Variants in DNTTIP1 observed in about 807,000 individuals in gnomAD.
The protein encoded by DNTTIP1 is deoxynucleotidyltransferase terminal interacting protein 1, also known as deoxynucleotidyltransferase terminal-interacting protein 1.
Under a neutral mutation model 52.9 loss-of-function variants are expected in DNTTIP1, and 22 were observed. That is an observed-to-expected ratio of 0.42 (90% CI 0.30 to 0.59). The LOEUF (loss-of-function observed/expected upper bound fraction) is 0.59, where lower values mean the gene tolerates loss of function less well. DNTTIP1 is among the 20% of genes least tolerant of loss of function. DNTTIP1 has a pLI of 0.22. For synonymous variants in DNTTIP1, 136 were observed against 155.1 expected (o/e 0.88, Z 0.92); for missense variants, 286 against 435.5 (o/e 0.66, Z 3.06).
In DNTTIP1 at chr20:45,792,737, A is replaced by G. The variant is rs762254793; in HGVS notation, c.166A>G (p.Met56Val). Residue 56 changes from methionine to valine, a missense_variant, in exon 2 of 13, where the codon ATG (methionine) becomes GTG (valine). Physicochemically the swap from Met to Val is conservative, Grantham distance 21. Around this residue, in one of 2 missense-constraint regions of DNTTIP1, gnomAD observed 208 missense variants for 266.5 expected, o/e 0.78. Coordinates refer to ENST00000372622, the MANE Select transcript of DNTTIP1 (RefSeq NM_052951.3). The stretch of plus-strand genomic sequence containing the variant: ...GCAGCGGAGGGGCCGCCGCTCACAG[A>G]TGACAACAAGGTAAGGCTGGCCCTG... Reference protein sequence around the residue: ...QVQRRGRRSQMTTSFTDPAIS... With the variant: ...QVQRRGRRSQVTTSFTDPAIS... 6.2e-7 allele frequency: 1 copy of G among 1,612,258 alleles called. No individual in the cohort carries two copies. Among genetic ancestry groups the G allele is most frequent in the Non-Finnish European group, 8.5e-7 (1 of 1,179,232 alleles).
At position 45,795,423 on chromosome 20, in the gene DNTTIP1, T is replaced by TCCA; in HGVS notation, c.352_353insCCA (p.Cys118delinsSerSer). ...CGCAGAGCAGCTGATCCAGGAAGCC[T>TCCA]GTCGGAGCTGCCTGGAGCAGGTGAG... On this transcript the variant is annotated protein_altering_variant, in exon 4 of 13. Transcript: ENST00000372622. 1 of 1,608,900 alleles carries TCCA rather than the reference T, an allele frequency of 6.2e-7. No individual in the cohort carries two copies. The highest frequency in any genetic ancestry group is 2.2e-5 in the East Asian group (1 of 44,696).
At chr20:45,797,723 A>T (rs934080880) in intron 4 of DNTTIP1, among the ~76,000 whole-genome samples, 1 of 152,270 alleles carries the variant, frequency 6.6e-6, no homozygotes, top group Non-Finnish European at 1.5e-5. Flanking sequence ...CAAAAGACAC[A>T]TGAAAAAATG....
intron 10 of DNTTIP1, among the ~76,000 whole-genome samples, chr20:45,806,608 T>G (rs1981659385): frequency 6.6e-6 from 1 of 152,246 alleles, no homozygotes; most frequent in South Asian, 2.1e-4. Flanking sequence ...GCTTGGCACC[T>G]CTTGCCAGAA....
intron 1 of DNTTIP1, 91 bp downstream of exon 1, chr20:45,792,200 C>A: frequency 1.3e-6 from 1 of 792,382 alleles, no homozygotes; most frequent in Non-Finnish European, 1.7e-6. Flanking sequence ...AACGCGGAGG[C>A]TGGAGCTGCA....
At chr20:45,793,369 C>T (rs1981107287) in intron 2 of DNTTIP1, among the ~76,000 whole-genome samples, 1 of 150,878 alleles carries the variant, frequency 6.6e-6, no homozygotes, top group African/African-American at 2.4e-5. Context: ...TCCAGAACAG[C>T]CTGACCAACA....
intron 11 of DNTTIP1, among the ~76,000 whole-genome samples, chr20:45,810,559 TTTTTTTTC>T (rs1157617173): frequency 1.6e-3 from 194 of 119,906 alleles, no homozygotes; most frequent in African/African-American, 5.8e-3. Context: ...GTGGATCCCT[TTTTTTTTC>T]TTTTTTTCTT....
intron 7 of DNTTIP1, among the ~76,000 whole-genome samples, chr20:45,802,618 A>T (rs1273471809): frequency 6.6e-6 from 1 of 152,122 alleles, no homozygotes; most frequent in Non-Finnish European, 1.5e-5. Context: ...AGAGTGGTAC[A>T]TTTGTTACAT....
intron 8 of DNTTIP1, among the ~76,000 whole-genome samples, chr20:45,804,499 A>C (rs1052952623): frequency 6.6e-6 from 1 of 152,176 alleles, no homozygotes; most frequent in Non-Finnish European, 1.5e-5. Context: ...TTTAAAGGAA[A>C]TCTGACTCTC....
At position 45,795,093 on chromosome 20, in the gene DNTTIP1, C is replaced by T. The variant is rs570895105; in HGVS notation, c.274-252C>T. Among the ~76,000 whole-genome samples, 6 of 152,210 alleles carry T rather than the reference C, an allele frequency of 3.9e-5. No individual in the cohort carries two copies. In the South Asian group the frequency reaches 1.0e-3, roughly 26 times the overall value. On this transcript the variant is annotated intron_variant, in intron 3 of 12. Coordinates refer to ENST00000372622, the MANE Select transcript of DNTTIP1 (RefSeq NM_052951.3). The stretch of plus-strand genomic sequence containing the variant: ...GATTACAGGTGTGAGCCACCGCGCC[C>T]GTCCTGATTTTTTGCACTATTTACA...
intron 3 of DNTTIP1, 120 bp from the exon 4 acceptor site, chr20:45,795,225 C>A: frequency 1.7e-6 from 1 of 573,664 alleles, no homozygotes; most frequent in South Asian, 2.2e-5. Flanking sequence ...CAAAGCCCTG[C>A]TCATAATCAC....
At chr20:45,796,595 C>T (rs1389879268) in intron 4 of DNTTIP1, 1 of 470,172 alleles carries the variant, frequency 2.1e-6, no homozygotes, top group South Asian at 1.6e-5. Flanking sequence ...AGTAGAGAAC[C>T]TGTTTACATG....
chr20:45,799,271 G>A (rs1311774956), intron 4 of DNTTIP1, among the ~76,000 whole-genome samples: 2 of 152,228 alleles, frequency 1.3e-5, no homozygotes, highest in Non-Finnish European at 2.9e-5. Context: ...AGCCAGCAAA[G>A]AAGGCTAAGA....
intron 2 of DNTTIP1, 98 bp downstream of exon 2, chr20:45,792,845 T>A: frequency 9.2e-7 from 1 of 1,086,878 alleles, no homozygotes; most frequent in Non-Finnish European, 1.3e-6. Flanking sequence ...CTACAGCCGG[T>A]AGAAAGAGCA....
intron 2 of DNTTIP1, among the ~76,000 whole-genome samples, chr20:45,793,472 G>A (rs1981115419): frequency 6.6e-6 from 1 of 152,164 alleles, no homozygotes; most frequent in South Asian, 2.1e-4. Context: ...GTCTGAGGCG[G>A]GCAGATCACC....
At chr20:45,797,638 A>T (rs1981286287) in intron 4 of DNTTIP1, among the ~76,000 whole-genome samples, 1 of 152,256 alleles carries the variant, frequency 6.6e-6, no homozygotes, top group Admixed American at 6.5e-5. Flanking sequence ...TTTACAAGAA[A>T]AAAACAAGCA....
intron 10 of DNTTIP1, among the ~76,000 whole-genome samples, chr20:45,808,554 C>T (rs1261840906): frequency 2.0e-5 from 3 of 148,092 alleles, no homozygotes; most frequent in East Asian, 2.0e-4. Flanking sequence ...GCAGGAGAAT[C>T]GCTTGAACCC....
chr20:45,805,935 T>C (rs187858134), intron 10 of DNTTIP1, among the ~76,000 whole-genome samples: 72 of 151,156 alleles, frequency 4.8e-4, no homozygotes, highest in African/African-American at 1.7e-3. Context: ...AATACAAAAT[T>C]AGCTGGCATG....
chr20:45,792,111 T>G lies in DNTTIP1; in HGVS notation c.105+2T>G. The G allele has an allele frequency of 3.1e-6, 4 of 1,277,166 alleles. No individual in the cohort carries two copies. The highest frequency in any genetic ancestry group is 4.0e-6 in the Non-Finnish European group (4 of 1,008,790). 79.1% of individuals were successfully genotyped at this position (1,277,166 alleles called of 1,614,324 possible). A position where few individuals can be genotyped will look rare whatever the true frequency, so the allele number is the denominator to read the frequency against. ...GCAGCGGGGCAGCTGGTTCTTACGG[T>G]GAGGGCGCCCCCGGTGAGGTCTGGG... On this transcript the variant is annotated splice_donor_variant, in intron 1 of 12. Transcript: ENST00000372622. LOFTEE classifies it high-confidence loss of function.
At chr20:45,803,521 C>A in intron 8 of DNTTIP1, 143 bp downstream of exon 8, 1 of 837,092 alleles carries the variant, frequency 1.2e-6, no homozygotes, top group Non-Finnish European at 1.8e-6. Flanking sequence ...CACCTCCAGC[C>A]ACACTGGCCT....
Sources: gnomAD v4.1 joint callset for allele counts (sites outside exome capture counted in the v4.1 genomes callset) on GRCh38, gnomAD v4.1.1 for gene constraint, gnomAD v4.1.1 regional missense constraint, MANE v1.5 for transcripts, NCBI Gene and HGNC (gene_info 2026-07-23, HGNC 2026-07-21) for gene names.